The following GAREM1 variants were observed in gnomAD, a reference collection of about 807,000 sequenced individuals.
GAREM1 encodes GRB2-associated and regulator of MAPK protein 1.
Under a neutral mutation model 71.3 loss-of-function variants are expected in GAREM1, and 26 were observed. That is an observed-to-expected ratio of 0.36 (90% confidence interval 0.27 to 0.51). The LOEUF (loss-of-function observed/expected upper bound fraction) is 0.51. Among genes scored for constraint, GAREM1 ranks in the 20% least tolerant of loss-of-function variants. The probability of loss-of-function intolerance (pLI) is 0.95; values close to 1 mark genes in which losing one functional copy is unlikely to be tolerated. For synonymous variants in GAREM1, 440 were observed against 433.2 expected (o/e 1.02, Z -0.20); for missense variants, 1,026 against 1,103.1 (o/e 0.93, Z 0.99).
At chr18:32,451,146 G>A (rs1432972542) in intron 1 of GAREM1, among the ~76,000 whole-genome samples, 1 of 152,038 alleles carries the variant, frequency 6.6e-6, no homozygotes, top group Non-Finnish European at 1.5e-5. Flanking sequence ...GTGAGACCTT[G>A]TCTCAAACAA....
intron 2 of GAREM1, among the ~76,000 whole-genome samples, chr18:32,317,592 T>C: frequency 6.6e-6 from 1 of 151,912 alleles, no homozygotes; most frequent in East Asian, 1.9e-4. Context: ...GAAGTGGACT[T>C]ATATTAAAAG....
intron 3 of GAREM1, among the ~76,000 whole-genome samples, chr18:32,290,971 A>G (rs2047077533): frequency 6.6e-6 from 1 of 152,210 alleles, no homozygotes; most frequent in African/African-American, 2.4e-5. Context: ...CCATCCAGCA[A>G]TCCTACATCT....
chr18:32,387,008 C>G (rs1407938702), intron 2 of GAREM1, among the ~76,000 whole-genome samples: 1 of 121,858 alleles, frequency 8.2e-6, no homozygotes, highest in African/African-American at 3.1e-5. Context: ...TTTCGTGGGG[C>G]TTGGGGTTTA....
At position 32,326,755 on chromosome 18, in the gene GAREM1, C is replaced by CA. The variant is rs554183386; in HGVS notation, c.263-16433dup. 4.7e-3 allele frequency among the ~76,000 whole-genome samples: 709 copies of CA among 152,320 alleles called. 2 individuals carry two copies. Among genetic ancestry groups the CA allele is most frequent in the Non-Finnish European group, 7.1e-3 (483 of 68,028 alleles). ...CATCTCCCAATACTTCATTTTCATC[C>CA]AAATGCCTCCGCTTTTATTCAGTAC... On this transcript the variant is annotated intron_variant, in intron 2 of 5. Transcript: ENST00000269209.
At chr18:32,390,660 C>G (rs2144656025) in intron 2 of GAREM1, among the ~76,000 whole-genome samples, 1 of 152,332 alleles carries the variant, frequency 6.6e-6, no homozygotes, top group Admixed American at 6.5e-5. Flanking sequence ...TCACATCTTT[C>G]TTCCCAATGG....
At chr18:32,302,359 T>C (rs1238733461) in intron 3 of GAREM1, among the ~76,000 whole-genome samples, 1 of 152,208 alleles carries the variant, frequency 6.6e-6, no homozygotes, top group African/African-American at 2.4e-5. Context: ...ATAAACTTCC[T>C]AGTCCTGTTG....
intron 2 of GAREM1, among the ~76,000 whole-genome samples, chr18:32,389,077 A>C (rs2048173124): frequency 6.6e-6 from 1 of 152,166 alleles, no homozygotes; most frequent in African/African-American, 2.4e-5. Context: ...GGAGGAGGGT[A>C]AGAATGATAA....
chr18:32,281,257 C>T (rs1221200643), intron 4 of GAREM1, among the ~76,000 whole-genome samples: 1 of 152,056 alleles, frequency 6.6e-6, no homozygotes, highest in Non-Finnish European at 1.5e-5. Context: ...AGTGAGTGTT[C>T]TGCCTGTCTG....
At chr18:32,350,019 T>C (rs1598980974) in intron 2 of GAREM1, among the ~76,000 whole-genome samples, 1 of 152,120 alleles carries the variant, frequency 6.6e-6, no homozygotes, top group South Asian at 2.1e-4. Flanking sequence ...GTTTATGAAG[T>C]GGGAGAAAGA....
chr18:32,341,155 T>C (rs1034326220), intron 2 of GAREM1, among the ~76,000 whole-genome samples: 2 of 152,098 alleles, frequency 1.3e-5, no homozygotes, highest in Non-Finnish European at 2.9e-5. Context: ...CAGGCCCCGG[T>C]GTGTGATGTT....
chr18:32,396,386 G>A (rs1431184532), intron 1 of GAREM1, among the ~76,000 whole-genome samples: 2 of 152,178 alleles, frequency 1.3e-5, no homozygotes, highest in African/African-American at 4.8e-5. Flanking sequence ...CGAACCCATT[G>A]CAAAGGAGAT....
chr18:32,412,300 C>T (rs1599029601), intron 1 of GAREM1: 1 of 1,591,770 alleles, frequency 6.3e-7, no homozygotes. Flanking sequence ...AAGTACTGGC[C>T]TCCACCGCCA....
intron 2 of GAREM1, among the ~76,000 whole-genome samples, chr18:32,345,704 C>T (rs539826120): frequency 6.6e-6 from 1 of 152,282 alleles, no homozygotes; most frequent in Non-Finnish European, 1.5e-5. Context: ...GGATTCACAT[C>T]GCTAAGCTGA....
chr18:32,283,271 G>A (rs1411631623), intron 4 of GAREM1, among the ~76,000 whole-genome samples: 2 of 152,202 alleles, frequency 1.3e-5, no homozygotes, highest in Non-Finnish European at 1.5e-5. Context: ...ATGGCTGGGC[G>A]CAGAGGCTCA....
Position 32,268,127 on chromosome 18 carries a change from G to T in GAREM1, c.2375C>A (p.Ala792Asp). 5 of 1,614,146 alleles carry T rather than the reference G, an allele frequency of 3.1e-6. No individual in the cohort carries two copies. Among genetic ancestry groups the T allele is most frequent in the African/African-American group, 1.3e-5 (1 of 75,042 alleles). ...GGAACCGTCGCCACAGGATCTGGGGGCCAGCTGGAGATGGAGCGGAGATGA... is the reference window on the plus strand; with the variant it reads ...GGAACCGTCGCCACAGGATCTGGGGTCCAGCTGGAGATGGAGCGGAGATGA... ...PFSSPLHLQLAPRSCGDGSPW... is the reference protein window; with the variant it reads ...PFSSPLHLQLDPRSCGDGSPW... The change falls in exon 6 of 6, where the codon GCC (alanine) becomes GAC (aspartate). Residue 792 changes from alanine to aspartate, a missense_variant. Coordinates refer to ENST00000269209, the MANE Select transcript of GAREM1 (RefSeq NM_001242409.2).
chr18:32,463,141 A>T (rs1046841490), intron 1 of GAREM1, among the ~76,000 whole-genome samples: 2 of 152,136 alleles, frequency 1.3e-5, no homozygotes, highest in Non-Finnish European at 2.9e-5. Context: ...GCCTGATTTG[A>T]TCATTGCATA....
chr18:32,313,363 A>G (rs1284840326), intron 2 of GAREM1, among the ~76,000 whole-genome samples: 3 of 152,210 alleles, frequency 2.0e-5, no homozygotes, highest in African/African-American at 7.2e-5. Flanking sequence ...GTGAGCTCAA[A>G]AGCCATGCAA....
intron 2 of GAREM1, among the ~76,000 whole-genome samples, chr18:32,338,822 C>T (rs2047622464): frequency 6.6e-6 from 1 of 152,166 alleles, no homozygotes; most frequent in South Asian, 2.1e-4. Flanking sequence ...GATATCTGGT[C>T]AAACACTATT....
intron 2 of GAREM1, among the ~76,000 whole-genome samples, chr18:32,340,083 G>T (rs2047633980): frequency 6.6e-6 from 1 of 152,178 alleles, no homozygotes; most frequent in South Asian, 2.1e-4. Flanking sequence ...TTCTCCAGTG[G>T]CACTTCTTGC....
Sources: allele counts gnomAD v4.1 joint callset (sites outside exome capture counted in the v4.1 genomes callset), GRCh38; gene constraint gnomAD v4.1.1; transcripts MANE v1.5; gene names NCBI Gene and HGNC (gene_info 2026-07-23, HGNC 2026-07-21).